Variants in PRR14L observed in about 807,000 individuals in gnomAD.
PRR14L encodes the protein protein PRR14L.
A neutral mutation model predicts 155.0 loss-of-function variants in PRR14L; 80 were observed. That is an observed-to-expected ratio of 0.52 (90% CI 0.43 to 0.62). The LOEUF is 0.62. PRR14L is among the 20% of genes least tolerant of loss of function. The pLI, the probability that PRR14L is intolerant of heterozygous loss-of-function variation, is 0.00. For missense variants in PRR14L, 2,469 were observed against 2,548.0 expected (o/e 0.97, Z 0.67); for synonymous variants, 883 against 916.0 (o/e 0.96, Z 0.65).
chr22:31,724,920 C>G (rs1045515880), intron 3 of PRR14L, among the ~76,000 whole-genome samples: 4 of 152,190 alleles, frequency 2.6e-5, no homozygotes, highest in African/African-American at 9.7e-5. Context: ...CTTGAAAACT[C>G]TCAGGGTGAC....
Position 31,715,614 on chromosome 22 carries a change from C to T in PRR14L, c.2225G>A (p.Arg742Lys), listed in dbSNP as rs1167066910. ...TLNIKPVSLE[R>K]KKEMADSGTK... Reference sequence around the variant, plus strand: ...TCCTGAATCAGCCATTTCCTTTTTTCTCTCTAGGCTTACTGGTTTGATGTT... The same window carrying T: ...TCCTGAATCAGCCATTTCCTTTTTTTTCTCTAGGCTTACTGGTTTGATGTT... The change falls in exon 4 of 9, where the codon AGA becomes AAA. Residue 742 changes from arginine (R) to lysine (K), a missense_variant. By Grantham distance (26) the Arg-to-Lys change is conservative. Coordinates refer to ENST00000327423, the MANE Select transcript of PRR14L (RefSeq NM_173566.3). 2 of 1,552,006 alleles carry T rather than the reference C, an allele frequency of 1.3e-6. No homozygotes were observed. The highest frequency in any genetic ancestry group is 1.7e-6 in the Non-Finnish European group (2 of 1,147,052).
At chr22:31,729,568 T>A (rs553215127) in intron 2 of PRR14L, among the ~76,000 whole-genome samples, 1 of 152,322 alleles carries the variant, frequency 6.6e-6, no homozygotes, top group South Asian at 2.1e-4. Flanking sequence ...AGGAAATTAT[T>A]ATTATTTTAC....
In PRR14L at chr22:31,715,543, C is replaced by G; in HGVS notation, c.2296G>C (p.Ala766Pro). ...ACAGAGACCACTTGAGGAAAGCCAGCTGCTTCTCTCTTATTTGAGCGCAGC... is the reference window on the plus strand; with the variant it reads ...ACAGAGACCACTTGAGGAAAGCCAGGTGCTTCTCTCTTATTTGAGCGCAGC... ...SRLRSNKREA[A>P]GFPQVVSVIE... Residue 766 changes from alanine (A) to proline (P), a missense_variant, in exon 4 of 9, where the codon GCT becomes CCT. Physicochemically the swap from Ala to Pro is conservative, Grantham distance 27. Transcript: ENST00000327423. 6.4e-7 allele frequency: 1 copy of G among 1,552,118 alleles called. No homozygotes were observed. Among genetic ancestry groups the G allele is most frequent in the Admixed American group, 2.0e-5 (1 of 50,992 alleles).
chr22:31,736,518 G>T (rs1274872000), intron 2 of PRR14L, among the ~76,000 whole-genome samples: 1 of 152,090 alleles, frequency 6.6e-6, no homozygotes, highest in Non-Finnish European at 1.5e-5. Flanking sequence ...CCTTTATCCT[G>T]TGTAAAGAAA....
intron 2 of PRR14L, among the ~76,000 whole-genome samples, chr22:31,731,051 T>A (rs865877402): frequency 9.9e-5 from 15 of 152,280 alleles, no homozygotes; most frequent in Non-Finnish European, 1.5e-4. Flanking sequence ...ATCCCCATAA[T>A]TTTCTGAGCA....
Position 31,713,265 on chromosome 22 carries a change from G to T in PRR14L, c.4574C>A (p.Thr1525Asn), listed in dbSNP as rs1176030485. 6.4e-7 allele frequency: 1 copy of T among 1,552,030 alleles called. No homozygotes were observed. The highest frequency in any genetic ancestry group is 1.4e-5 in the African/African-American group (1 of 73,034). Residue 1525 changes from threonine to asparagine, a missense_variant, in exon 4 of 9, where the codon ACT (threonine) becomes AAT (asparagine). Coordinates refer to ENST00000327423, the MANE Select transcript of PRR14L (RefSeq NM_173566.3). ...VLPLKKQPHR[T>N]CKKVSYQEQI... is the part of the protein sequence containing the mutation. ...CTCCTGATAGGAAACTTTCTTACAA[G>T]TTCGATGGGGCTGCTTCTTTAAGGG...
intron 3 of PRR14L, among the ~76,000 whole-genome samples, chr22:31,723,792 C>T (rs566524003): frequency 4.6e-5 from 7 of 152,234 alleles, no homozygotes; most frequent in Non-Finnish European, 1.0e-4. Context: ...TCCAGGCTGC[C>T]GAGAAGCTAA....
At chr22:31,741,139 G>C (rs141972660) in intron 1 of PRR14L, among the ~76,000 whole-genome samples, 1 of 151,546 alleles carries the variant, frequency 6.6e-6, no homozygotes, top group African/African-American at 2.4e-5. Flanking sequence ...TGTGGTCCCA[G>C]CTACTCAGGA....
chr22:31,727,371 C>G (rs2074722139), intron 2 of PRR14L, among the ~76,000 whole-genome samples: 1 of 151,570 alleles, frequency 6.6e-6, no homozygotes, highest in African/African-American at 2.4e-5. Flanking sequence ...GTAGCTGGGA[C>G]TACAGGTGCA....
intron 1 of PRR14L, among the ~76,000 whole-genome samples, chr22:31,744,677 A>G (rs961123026): frequency 1.3e-5 from 2 of 152,118 alleles, no homozygotes; most frequent in African/African-American, 4.8e-5. Flanking sequence ...TCCCCTCACC[A>G]TTCAATCAGC....
intron 7 of PRR14L, among the ~76,000 whole-genome samples, chr22:31,694,350 G>A (rs1221882193): frequency 2.0e-5 from 3 of 152,066 alleles, no homozygotes; most frequent in Admixed American, 6.6e-5. Flanking sequence ...GATTACAGGC[G>A]TGAGCTACCA....
Position 31,713,167 on chromosome 22 carries a change from G to C in PRR14L, c.4672C>G (p.Pro1558Ala). Residue 1558 changes from proline (P) to alanine (A), a missense_variant, in exon 4 of 9, where the codon CCC (proline) becomes GCC (alanine). Physicochemically the swap from Pro to Ala is conservative, Grantham distance 27. This residue lies in a region of PRR14L where 2,363 missense variants were observed against 2,371.6 expected (regional missense o/e 1.00). Transcript: ENST00000327423. Reference protein sequence around the residue: ...AFLKSSSNPIPTKAHRLLSLC... With the variant: ...AFLKSSSNPIATKAHRLLSLC... ...CTGAGAAGTCTGTGCGCTTTTGTGG[G>C]GATGGGATTGGAAGAACTCTTTAAA... is the stretch of plus-strand genomic sequence containing the variant. 2 of 1,551,932 alleles carry C rather than the reference G, an allele frequency of 1.3e-6. No individual in the cohort carries two copies. Among genetic ancestry groups the C allele is most frequent in the Non-Finnish European group, 1.7e-6 (2 of 1,147,036 alleles).
chr22:31,696,049 T>C (rs1002426623), intron 7 of PRR14L, among the ~76,000 whole-genome samples: 2 of 152,222 alleles, frequency 1.3e-5, no homozygotes, highest in Non-Finnish European at 2.9e-5. Flanking sequence ...CAGTGGTCTT[T>C]AGTGTACCTA....
At chr22:31,703,486 G>T (rs1601497565) in intron 6 of PRR14L, 64 bp downstream of exon 6, 1 of 1,476,936 alleles carries the variant, frequency 6.8e-7, no homozygotes, top group Non-Finnish European at 9.3e-7. Context: ...ATAATGCGAT[G>T]TGAGTTGACA....
intron 2 of PRR14L, among the ~76,000 whole-genome samples, chr22:31,737,572 G>A (rs1018074045): frequency 6.6e-6 from 1 of 151,656 alleles, no homozygotes; most frequent in African/African-American, 2.4e-5. Context: ...AAGATTGCTT[G>A]AGCCCAGGAA....
At position 31,714,354 on chromosome 22, in the gene PRR14L, T is replaced by C. The variant is rs2074641702; in HGVS notation, c.3485A>G (p.His1162Arg). The C allele has an allele frequency of 3.9e-6, 6 of 1,551,642 alleles. No homozygotes were observed. The highest frequency in any genetic ancestry group is 1.4e-5 in the African/African-American group (1 of 73,070). The change falls in exon 4 of 9, where the codon CAT becomes CGT. Residue 1162 changes from histidine (H) to arginine (R), a missense_variant. Transcript: ENST00000327423. ...CAHEMESVADHEPNKRILGRV... is the reference protein window; with the variant it reads ...CAHEMESVADREPNKRILGRV... ...GCCCAATATTCTTTTATTTGGTTCA[T>C]GATCTGCAACAGACTCCATCTCATG... is the stretch of plus-strand genomic sequence containing the variant.
intron 5 of PRR14L, 191 bp downstream of exon 5, chr22:31,704,464 A>C: frequency 2.3e-6 from 1 of 443,238 alleles, no homozygotes; most frequent in South Asian, 3.7e-5. Flanking sequence ...ATTATTACAC[A>C]TTCCTAGTTG....
At chr22:31,724,777 G>A (rs1382749472) in intron 3 of PRR14L, among the ~76,000 whole-genome samples, 2 of 152,096 alleles carry the variant, frequency 1.3e-5, no homozygotes, top group Admixed American at 6.6e-5. Context: ...GTGAGAAGAG[G>A]AGAACCTTAC....
Position 31,714,624 on chromosome 22 carries a change from T to G in PRR14L, c.3215A>C (p.Lys1072Thr). ...ACCACAATCCAGTAGATTAGATGCC[T>G]TCACGTCCAGCACACCTTCTGCAAG... ...NKLAEGVLDV[K>T]ASNLLDCGAR... Residue 1072 changes from lysine to threonine, a missense_variant, in exon 4 of 9, where the codon AAG becomes ACG. By Grantham distance (78) the Lys-to-Thr change is moderately conservative (BLOSUM62 -1). Coordinates refer to ENST00000327423, the MANE Select transcript of PRR14L (RefSeq NM_173566.3). 1 of 1,552,012 alleles carries G rather than the reference T, an allele frequency of 6.4e-7. No homozygotes were observed. Among genetic ancestry groups the G allele is most frequent in the Non-Finnish European group, 8.7e-7 (1 of 1,147,060 alleles).
Sources: allele counts gnomAD v4.1 joint callset (sites outside exome capture counted in the v4.1 genomes callset), GRCh38; gene constraint gnomAD v4.1.1; regional missense constraint gnomAD v4.1.1; transcripts MANE v1.5; gene names NCBI Gene and HGNC (gene_info 2026-07-23, HGNC 2026-07-21).